Variants in HACD1 observed in about 807,000 individuals in gnomAD.
HACD1 encodes the protein very-long-chain (3R)-3-hydroxyacyl-CoA dehydratase 1.
HACD1 carries 41 observed loss-of-function variants against 32.0 expected under a neutral mutation model. The observed-to-expected ratio is 1.28, with a 90% CI of 1.00 to 1.66. The LOEUF (loss-of-function observed/expected upper bound fraction) is 1.66. Among genes scored for constraint, HACD1 ranks in the 40% most tolerant of loss-of-function variants. The pLI is 0.00. For synonymous variants in HACD1, 142 were observed against 139.0 expected (o/e 1.02, Z -0.15); for missense variants, 396 against 380.1 (o/e 1.04, Z -0.35).
chr10:17,609,399 C>T (rs1366711499), intron 1 of HACD1, among the ~76,000 whole-genome samples: 2 of 152,002 alleles, frequency 1.3e-5, no homozygotes, highest in African/African-American at 2.4e-5. Flanking sequence ...ATGATCCACT[C>T]GCCTCGCCCT....
At chr10:17,591,001 A>C (rs1032100226) in intron 6 of HACD1, among the ~76,000 whole-genome samples, 1 of 152,084 alleles carries the variant, frequency 6.6e-6, no homozygotes, top group African/African-American at 2.4e-5. Context: ...TAACAAACTT[A>C]AATACCTTGA....
intron 6 of HACD1, among the ~76,000 whole-genome samples, chr10:17,591,240 C>T (rs956474863): frequency 4.5e-4 from 65 of 142,868 alleles, no homozygotes; most frequent in African/African-American, 1.5e-3. Flanking sequence ...AACAGCTGCC[C>T]CCTGGCTATC....
intron 1 of HACD1, 29 bp downstream of exon 1, chr10:17,617,054 G>T: frequency 1.4e-6 from 2 of 1,419,918 alleles, no homozygotes; most frequent in Non-Finnish European, 9.2e-7. Flanking sequence ...GCGCGGGGAG[G>T]GCCCGAGGGT....
At chr10:17,607,900 A>C (rs1241845584) in intron 1 of HACD1, among the ~76,000 whole-genome samples, 9 of 152,188 alleles carry the variant, frequency 5.9e-5, no homozygotes, top group Admixed American at 5.9e-4. Context: ...AGTCAAAGAA[A>C]GTCTCTTTAA....
intron 6 of HACD1, among the ~76,000 whole-genome samples, chr10:17,593,461 A>G (rs1833955174): frequency 6.6e-6 from 1 of 152,126 alleles, no homozygotes; most frequent in African/African-American, 2.4e-5. Context: ...GATTACAGGC[A>G]TGCGCCACCA....
chr10:17,602,448 A>G (rs191359815), intron 4 of HACD1, among the ~76,000 whole-genome samples: 4 of 152,164 alleles, frequency 2.6e-5, no homozygotes, highest in African/African-American at 9.7e-5. Flanking sequence ...TGAATCATTA[A>G]TTAGATTCAA....
chr10:17,598,259 CA>C (rs34543137), intron 5 of HACD1, among the ~76,000 whole-genome samples: 553 of 89,784 alleles, frequency 6.2e-3, no homozygotes, highest in African/African-American at 0.013. Context: ...GACCCTGTCT[CA>C]AAAAAAAAAA....
chr10:17,594,143 A>G (rs1191659511), intron 6 of HACD1, 62 bp downstream of exon 6: 4 of 1,238,956 alleles, frequency 3.2e-6, no homozygotes, highest in Non-Finnish European at 4.2e-6. Context: ...GCATATTATT[A>G]TATCCTTTCA....
chr10:17,597,403 G>A (rs1343416633), intron 5 of HACD1, among the ~76,000 whole-genome samples: 1 of 152,200 alleles, frequency 6.6e-6, no homozygotes, highest in Admixed American at 6.5e-5. Flanking sequence ...CTCCCAAAGT[G>A]TTGGGATTAC....
chr10:17,591,308 A>G (rs1452426059), intron 6 of HACD1, among the ~76,000 whole-genome samples: 2 of 152,130 alleles, frequency 1.3e-5, no homozygotes, highest in Non-Finnish European at 2.9e-5. Context: ...CCATGGATCA[A>G]CGAAGAAGCC....
intron 4 of HACD1, among the ~76,000 whole-genome samples, chr10:17,600,445 G>A (rs1342798682): frequency 6.6e-6 from 1 of 151,984 alleles, no homozygotes; most frequent in African/African-American, 2.4e-5. Flanking sequence ...GTTCAAATGA[G>A]TCTCATGCCT....
rs1833108601 is a variant in HACD1, at chr10:17,617,331, G to A, written c.9C>T (p.Arg3=). The part of the protein sequence containing the change: MG[R]LTEAAAAGSG... Reference sequence around the variant, plus strand: ...TGCCCGCTGCCGCCGCTTCCGTCAGGCGCCCCATGTGCAGCGCGCAGGGGG... The same window carrying A: ...TGCCCGCTGCCGCCGCTTCCGTCAGACGCCCCATGTGCAGCGCGCAGGGGG... Residue 3 remains arginine, a synonymous_variant, in exon 1 of 7, where the codon CGC becomes CGT. Transcript: ENST00000361271. The A allele has an allele frequency of 2.8e-6, 4 of 1,430,842 alleles. No individual in the cohort carries two copies. The highest frequency in any genetic ancestry group is 1.4e-5 in the South Asian group (1 of 69,960). The allele number at this position is 1,430,842 out of a possible 1,614,324, so 88.6% of individuals were successfully genotyped here. A position where few individuals can be genotyped will look rare whatever the true frequency, so the allele number is the denominator to read the frequency against.
chr10:17,591,926 C>A (rs1005404248), intron 6 of HACD1, among the ~76,000 whole-genome samples: 33 of 148,560 alleles, frequency 2.2e-4, no homozygotes, highest in African/African-American at 8.0e-4. Context: ...AGTAGCTGAA[C>A]AGAAGGTATG....
intron 1 of HACD1, among the ~76,000 whole-genome samples, chr10:17,614,934 A>G (rs1554817860): frequency 6.6e-6 from 1 of 151,884 alleles, no homozygotes; most frequent in African/African-American, 2.4e-5. Context: ...TTGTATTTTT[A>G]GTAGAGACGG....
chr10:17,593,127 G>A (rs754322812), intron 6 of HACD1, among the ~76,000 whole-genome samples: 2 of 151,958 alleles, frequency 1.3e-5, no homozygotes, highest in South Asian at 2.1e-4. Context: ...CTGAGATGGC[G>A]CCACTGCACT....
At chr10:17,609,266 G>C (rs556120151) in intron 1 of HACD1, among the ~76,000 whole-genome samples, 12 of 149,872 alleles carry the variant, frequency 8.0e-5, no homozygotes, top group African/African-American at 2.9e-4. Context: ...CCATTCTCCT[G>C]CCTCAGCCTC....
intron 4 of HACD1, among the ~76,000 whole-genome samples, chr10:17,602,012 C>A (rs1027451167): frequency 1.4e-4 from 21 of 151,618 alleles, no homozygotes; most frequent in African/African-American, 4.8e-4. Context: ...ACAGGAGGCT[C>A]TAAAGGCTGT....
intron 2 of HACD1, 64 bp downstream of exon 2, chr10:17,603,866 G>T (rs1834105644): frequency 6.7e-7 from 1 of 1,493,268 alleles, no homozygotes; most frequent in East Asian, 2.3e-5. Flanking sequence ...TATTGATTTT[G>T]CACAACAAAA....
intron 1 of HACD1, among the ~76,000 whole-genome samples, chr10:17,614,477 A>AAACTCCT (rs368789804): frequency 0.11 from 16,868 of 151,872 alleles, 1,004 homozygotes; most frequent in East Asian, 0.23. Flanking sequence ...GGCTGGTCTC[A>AAACTCCT]GGCGATCCAC....
Sources: allele counts gnomAD v4.1 joint callset (sites outside exome capture counted in the v4.1 genomes callset), GRCh38; gene constraint gnomAD v4.1.1; transcripts MANE v1.5; gene names NCBI Gene and HGNC (gene_info 2026-07-23, HGNC 2026-07-21).